POLR3A: variants seen among roughly 807,000 people sequenced by gnomAD.
POLR3A encodes the protein DNA-directed RNA polymerase III subunit RPC1.
A neutral mutation model predicts 152.8 loss-of-function variants in POLR3A; 112 were observed. The ratio of observed to expected loss-of-function variants is 0.73; its 90% CI spans 0.63 to 0.86. POLR3A has a LOEUF of 0.86. Ranked by LOEUF, POLR3A falls within the 40% of genes least tolerant of loss-of-function variation. The pLI, the probability that POLR3A is intolerant of heterozygous loss-of-function variation, is 0.00. For missense variants in POLR3A, 1,385 were observed against 1,743.1 expected (o/e 0.79, Z 3.66); for synonymous variants, 615 against 652.1 (o/e 0.94, Z 0.87).
In POLR3A at chr10:78,010,673, C is replaced by T. The variant is rs76809537; in HGVS notation, c.1573-133G>A. 6,300 of 732,428 alleles carry T rather than the reference C, an allele frequency of 8.6e-3. 268 individuals are homozygous for T. In the African/African-American group the frequency reaches 0.094, roughly 11 times the overall value. 45.4% of individuals were successfully genotyped at this position (732,428 alleles called of 1,614,324 possible). On this transcript the variant is annotated intron_variant, in intron 11 of 30. Transcript: ENST00000372371. Reference sequence around the variant, plus strand: ...GAAGGACGAGGCTGAGAAATGAAAGCCAGGGGTCTGAATCCCAGCTTTGTC... The same window carrying T: ...GAAGGACGAGGCTGAGAAATGAAAGTCAGGGGTCTGAATCCCAGCTTTGTC...
chr10:77,978,892 G>A (rs1312110444), intron 30 of POLR3A, among the ~76,000 whole-genome samples: 2 of 151,890 alleles, frequency 1.3e-5, no homozygotes, highest in Non-Finnish European at 2.9e-5. Context: ...TTGAACTCCT[G>A]ACCTCGTGAT....
At chr10:78,025,566 T>TC in intron 3 of POLR3A, 56 bp downstream of exon 3, 1 of 1,590,898 alleles carries the variant, frequency 6.3e-7, no homozygotes, top group Non-Finnish European at 8.6e-7. Context: ...CATTCCAGCA[T>TC]CCCTGACCAA....
Position 77,994,549 on chromosome 10 carries a change from G to C in POLR3A, c.2617-1182C>G, listed in dbSNP as rs189832458. On this transcript the variant is annotated intron_variant, in intron 19 of 30. Coordinates refer to ENST00000372371, the MANE Select transcript of POLR3A (RefSeq NM_007055.4). ...CAGTAGCCAATGCGATCAACTGGAA[G>C]AAAGGGTATCAGTGATGGAAGACGT... Among the ~76,000 whole-genome samples the C allele has an allele frequency of 6.6e-5, 10 of 150,786 alleles. No homozygotes were observed. In the East Asian group the frequency reaches 1.9e-3, roughly 29 times the overall value.
At chr10:77,989,861 A>G (rs940694162) in intron 21 of POLR3A, among the ~76,000 whole-genome samples, 2 of 152,204 alleles carry the variant, frequency 1.3e-5, no homozygotes, top group African/African-American at 4.8e-5. Flanking sequence ...AAAAAAGAAT[A>G]AGAAAGCCTT....
chr10:78,007,586 T>A, intron 15 of POLR3A, 116 bp downstream of exon 15: 2 of 835,794 alleles, frequency 2.4e-6, no homozygotes, highest in East Asian at 2.5e-5. Flanking sequence ...GAGTATCTTT[T>A]TCTGTATGTA....
At chr10:78,013,956 T>C (rs1847491793) in intron 10 of POLR3A, among the ~76,000 whole-genome samples, 166 bp from the exon 11 acceptor site, 1 of 152,060 alleles carries the variant, frequency 6.6e-6, no homozygotes, top group African/African-American at 2.4e-5. Context: ...TTAGGACTCA[T>C]TCCCAGTCTG....
At chr10:77,978,316 G>A (rs1159625578) in intron 30 of POLR3A, among the ~76,000 whole-genome samples, 2 of 152,178 alleles carry the variant, frequency 1.3e-5, no homozygotes, top group East Asian at 3.8e-4. Context: ...TGCTACCAAG[G>A]AACCGGAGAG....
At position 78,009,680 on chromosome 10, in the gene POLR3A, G is replaced by C. The variant is rs199733994; in HGVS notation, c.1771-5C>G. On this transcript the variant is annotated splice_polypyrimidine_tract_variant and splice_region_variant and intron_variant, in intron 13 of 30. Transcript: ENST00000372371. ...TCCCGTCCACAGGGTGACAGGCTGA[G>C]GGGGGGAGGAAGCCTGAGAGTCAGT... 45 of 1,610,466 alleles carry C rather than the reference G, an allele frequency of 2.8e-5. No individual in the cohort carries two copies. The highest frequency in any genetic ancestry group is 3.6e-5 in the Non-Finnish European group (43 of 1,179,088).
In POLR3A at chr10:77,986,056, T is replaced by C. The variant is rs1472009202; in HGVS notation, c.2988+17A>G. On this transcript the variant is annotated intron_variant, in intron 22 of 30. Transcript: ENST00000372371. ...ACAAACAGCTCGGGGTTCTAACGCG[T>C]CTTGGAGGGATATTACCTCTGTTGT... 1 of 1,583,720 alleles carries C rather than the reference T, an allele frequency of 6.3e-7. No individual in the cohort carries two copies. The highest frequency in any genetic ancestry group is 1.1e-5 in the South Asian group (1 of 90,518).
chr10:78,008,014 G>C, intron 14 of POLR3A, 148 bp from the exon 15 acceptor site: 1 of 450,136 alleles, frequency 2.2e-6, no homozygotes, highest in East Asian at 4.5e-5. Context: ...TTTTTTGGGG[G>C]GAGGGAGGGG....
At chr10:77,982,558 A>G (rs1847157092) in intron 27 of POLR3A, 95 bp downstream of exon 27, 13 of 1,147,750 alleles carry the variant, frequency 1.1e-5, no homozygotes, top group Middle Eastern at 2.8e-4. Flanking sequence ...AGAAATTAAG[A>G]AATCGGACTA....
intron 10 of POLR3A, among the ~76,000 whole-genome samples, chr10:78,016,506 G>A (rs939764955): frequency 1.1e-4 from 16 of 151,872 alleles, no homozygotes; most frequent in African/African-American, 3.6e-4. Context: ...CTGAGGTCAG[G>A]AGTTTGAGAC....
intron 2 of POLR3A, 140 bp downstream of exon 2, chr10:78,025,954 C>T (rs1420633601): frequency 2.3e-5 from 28 of 1,222,304 alleles, no homozygotes; most frequent in South Asian, 7.7e-5. Flanking sequence ...GACTAAAGGC[C>T]GGAGTTCTTG....
intron 11 of POLR3A, 46 bp from the exon 12 acceptor site, chr10:78,010,586 G>C: frequency 1.5e-6 from 2 of 1,342,934 alleles, no homozygotes; most frequent in Non-Finnish European, 2.1e-6. Context: ...TCGGATGCAT[G>C]ATGCAGCCCA....
chr10:77,983,872 T>C, intron 26 of POLR3A, 48 bp downstream of exon 26: 1 of 1,162,562 alleles, frequency 8.6e-7, no homozygotes, highest in Non-Finnish European at 1.3e-6. Flanking sequence ...GTACCTATCT[T>C]GGGACTAACA....
At chr10:78,006,395 C>CAAAAAAAAAAA (rs36050560) in intron 15 of POLR3A, among the ~76,000 whole-genome samples, 5 of 21,946 alleles carry the variant, frequency 2.3e-4, no homozygotes, top group African/African-American at 4.6e-4. Flanking sequence ...GACTCTGTCT[C>CAAAAAAAAAAA]AAAAAAAAAA....
At position 77,980,186 on chromosome 10, in the gene POLR3A, G is replaced by A; in HGVS notation, c.3979C>T (p.His1327Tyr). 1 of 1,613,866 alleles carries A rather than the reference G, an allele frequency of 6.2e-7. No individual in the cohort carries two copies. ...CCGAAGTAGGCAGCGTCAAAGAGAT[G>A]GTCAGCCGTCTTCTCAAAGGAGGCC... is the stretch of plus-strand genomic sequence containing the variant. ...MLASFEKTADHLFDAAYFGQK... is the reference protein window; with the variant it reads ...MLASFEKTADYLFDAAYFGQK... Residue 1327 changes from histidine (H) to tyrosine (Y), a missense_variant, in exon 30 of 31, where the codon CAT (histidine) becomes TAT (tyrosine). His to Tyr is a moderately conservative substitution (Grantham distance 83). Transcript: ENST00000372371.
At chr10:77,980,887 C>A (rs1354622434) in intron 29 of POLR3A, among the ~76,000 whole-genome samples, 1 of 152,004 alleles carries the variant, frequency 6.6e-6, no homozygotes, top group Non-Finnish European at 1.5e-5. Context: ...AATACTCTAT[C>A]GACTTGTTTG....
intron 19 of POLR3A, among the ~76,000 whole-genome samples, chr10:77,998,240 T>C (rs868544714): frequency 4.6e-5 from 7 of 151,328 alleles, no homozygotes; most frequent in African/African-American, 1.7e-4. Context: ...GACATAGGCA[T>C]GGGCAAGGAC....
Sources: allele counts gnomAD v4.1 joint callset (sites outside exome capture counted in the v4.1 genomes callset), GRCh38; gene constraint gnomAD v4.1.1; transcripts MANE v1.5; gene names NCBI Gene and HGNC (gene_info 2026-07-23, HGNC 2026-07-21).